CDH18: variants seen among roughly 807,000 people sequenced by gnomAD.
CDH18 encodes cadherin-18.
A neutral mutation model predicts 67.9 loss-of-function variants in CDH18; 31 were observed. The ratio of observed to expected loss-of-function variants is 0.46; its 90% CI spans 0.34 to 0.62. The LOEUF is 0.62. Ranked by LOEUF, CDH18 falls within the 20% of genes least tolerant of loss-of-function variation. CDH18 has a pLI of 0.01. For synonymous variants in CDH18, 362 were observed against 347.2 expected (o/e 1.04, Z -0.48); for missense variants, 890 against 975.5 (o/e 0.91, Z 1.17).
At chr5:20,423,741 C>T (rs1176159799) in intron 1 of CDH18, among the ~76,000 whole-genome samples, 3 of 150,130 alleles carry the variant, frequency 2.0e-5, no homozygotes, top group African/African-American at 7.5e-5. Context: ...GTCAGAAGAT[C>T]GAGACCATCC....
intron 1 of CDH18, among the ~76,000 whole-genome samples, chr5:20,431,287 TTGAGACCAGTC>T (rs1231317814): frequency 6.6e-6 from 1 of 151,906 alleles, no homozygotes; most frequent in East Asian, 1.9e-4. Flanking sequence ...GGTCAGGAGT[TTGAGACCAGTC>T]TGGCCAATAT....
chr5:20,045,502 G>A (rs1740818898), intron 2 of CDH18, among the ~76,000 whole-genome samples: 2 of 151,890 alleles, frequency 1.3e-5, no homozygotes, highest in South Asian at 2.1e-4. Flanking sequence ...GTACTAGTTC[G>A]AGGGATTATA....
intron 2 of CDH18, among the ~76,000 whole-genome samples, chr5:20,194,268 T>C (rs1738784200): frequency 6.6e-6 from 1 of 152,118 alleles, no homozygotes; most frequent in Non-Finnish European, 1.5e-5. Context: ...CAGCAAAGTC[T>C]CAGGATACAA....
At chr5:20,302,972 A>T (rs1356601241) in intron 1 of CDH18, among the ~76,000 whole-genome samples, 2 of 152,216 alleles carry the variant, frequency 1.3e-5, no homozygotes, top group Admixed American at 6.5e-5. Context: ...TCCCTTCCAA[A>T]CAGACATATG....
At chr5:19,721,223 G>T in intron 5 of CDH18, 124 bp downstream of exon 5, 1 of 864,426 alleles carries the variant, frequency 1.2e-6, no homozygotes, top group Non-Finnish European at 1.7e-6. Flanking sequence ...AAAAAGTGAG[G>T]ATATGTTTAA....
At chr5:20,442,972 G>A (rs1328826245) in intron 1 of CDH18, among the ~76,000 whole-genome samples, 2 of 151,562 alleles carry the variant, frequency 1.3e-5, no homozygotes, top group Non-Finnish European at 2.9e-5. Flanking sequence ...CACTTTGGGA[G>A]GCCGAGGCGG....
At chr5:20,284,797 A>G (rs1401994783) in intron 1 of CDH18, among the ~76,000 whole-genome samples, 1 of 151,910 alleles carries the variant, frequency 6.6e-6, no homozygotes, top group African/African-American at 2.4e-5. Flanking sequence ...AATATTTTAT[A>G]GAGCAAATAT....
chr5:20,178,204 C>T, intron 2 of CDH18, among the ~76,000 whole-genome samples: 1 of 152,102 alleles, frequency 6.6e-6, no homozygotes, highest in East Asian at 1.9e-4. Context: ...CTCAAGACTA[C>T]TGGCTTTCAA....
In CDH18 at chr5:20,043,892, GA is replaced by G. The variant is rs1325998463; in HGVS notation, c.-517-51879del. 2.6e-5 allele frequency among the ~76,000 whole-genome samples: 4 copies of G among 152,204 alleles called. No individual in the cohort carries two copies. The East Asian group carries it at 5.8e-4, about 22-fold the overall frequency. ...GTTTCTATGGAAATCCTAAAAAGAA[GA>G]ATTATAATTGCAAGCAGAAAGTCAG... On this transcript the variant is annotated intron_variant, in intron 2 of 14. Transcript: ENST00000507958.
At chr5:20,479,918 T>C (rs182342848) in intron 1 of CDH18, among the ~76,000 whole-genome samples, 1 of 152,034 alleles carries the variant, frequency 6.6e-6, no homozygotes, top group Non-Finnish European at 1.5e-5. Flanking sequence ...ACAAAGAAGA[T>C]CTCATGTGTC....
intron 1 of CDH18, among the ~76,000 whole-genome samples, chr5:20,491,171 A>G (rs1008783193): frequency 6.6e-6 from 1 of 151,076 alleles, no homozygotes; most frequent in Non-Finnish European, 1.5e-5. Flanking sequence ...TTTTCTCCCT[A>G]TGATGTTTAG....
At chr5:19,708,025 G>A (rs990471052) in intron 5 of CDH18, among the ~76,000 whole-genome samples, 8 of 152,120 alleles carry the variant, frequency 5.3e-5, no homozygotes, top group African/African-American at 1.2e-4. Context: ...GAAACATGGC[G>A]GTATAGTGGC....
intron 1 of CDH18, among the ~76,000 whole-genome samples, chr5:20,451,621 C>G (rs1170065742): frequency 6.6e-6 from 1 of 152,004 alleles, no homozygotes; most frequent in Non-Finnish European, 1.5e-5. Flanking sequence ...TAAGTGTTGG[C>G]AAGAATATGG....
intron 2 of CDH18, among the ~76,000 whole-genome samples, chr5:20,141,152 G>T (rs1580334875): frequency 6.6e-6 from 1 of 152,240 alleles, no homozygotes; most frequent in East Asian, 1.9e-4. Context: ...GTACTTGTAA[G>T]TAGTATTATA....
chr5:20,429,307 G>C (rs949213962), intron 1 of CDH18, among the ~76,000 whole-genome samples: 5 of 152,066 alleles, frequency 3.3e-5, no homozygotes, highest in Admixed American at 1.3e-4. Flanking sequence ...CTTTAAATCA[G>C]TGTTTAATAA....
chr5:19,565,031 G>A (rs960998301), intron 8 of CDH18, among the ~76,000 whole-genome samples: 6 of 151,794 alleles, frequency 4.0e-5, no homozygotes, highest in Admixed American at 1.3e-4. Context: ...GTAGAATAGA[G>A]CACCAAGTAG....
At chr5:19,915,132 A>AT (rs999558419) in intron 2 of CDH18, among the ~76,000 whole-genome samples, 1 of 152,038 alleles carries the variant, frequency 6.6e-6, no homozygotes, top group African/African-American at 2.4e-5. Context: ...TAAAAATGGC[A>AT]TTTTCTGCCT....
intron 1 of CDH18, among the ~76,000 whole-genome samples, chr5:20,372,517 AAAAAT>A (rs1743085195): frequency 6.6e-6 from 1 of 152,172 alleles, no homozygotes; most frequent in Non-Finnish European, 1.5e-5. Flanking sequence ...AAGAGATTAA[AAAAAT>A]AAACGAAATT....
At chr5:20,097,613 A>G (rs1746102756) in intron 2 of CDH18, among the ~76,000 whole-genome samples, 1 of 152,046 alleles carries the variant, frequency 6.6e-6, no homozygotes, top group Non-Finnish European at 1.5e-5. Context: ...AATGGCTTGT[A>G]TTATATTCGG....
Sources: allele counts gnomAD v4.1 joint callset (sites outside exome capture counted in the v4.1 genomes callset), GRCh38; gene constraint gnomAD v4.1.1; transcripts MANE v1.5; gene names NCBI Gene and HGNC (gene_info 2026-07-23, HGNC 2026-07-21).